The following PCCA variants were observed in gnomAD, a reference collection of about 807,000 sequenced individuals.
PCCA encodes the protein propionyl-CoA carboxylase subunit alpha, also known as propionyl-CoA carboxylase alpha chain, mitochondrial.
A neutral mutation model predicts 101.3 loss-of-function variants in PCCA; 74 were observed. That is an observed-to-expected ratio of 0.73 (90% CI 0.61 to 0.89). PCCA has a LOEUF of 0.89. PCCA is among the 40% of genes least tolerant of loss of function. The probability of loss-of-function intolerance (pLI) is 0.00; values close to 1 mark genes in which losing one functional copy is unlikely to be tolerated. For synonymous variants in PCCA, 294 were observed against 313.6 expected (o/e 0.94, Z 0.66); for missense variants, 891 against 907.0 (o/e 0.98, Z 0.23).
chr13:100,410,787 T>C (rs1185531670), intron 19 of PCCA, among the ~76,000 whole-genome samples: 1 of 152,202 alleles, frequency 6.6e-6, no homozygotes, highest in Non-Finnish European at 1.5e-5. Context: ...GAAACTCGTT[T>C]CTTATTAAAT....
At chr13:100,112,372 C>T (rs1339322550) in intron 4 of PCCA, among the ~76,000 whole-genome samples, 1 of 152,216 alleles carries the variant, frequency 6.6e-6, no homozygotes, top group East Asian at 1.9e-4. Context: ...ACACAGTGCT[C>T]CCTTATGAGA....
In PCCA at chr13:100,502,864, A is replaced by AC. The variant is rs3837564; in HGVS notation, c.1900-12563_1900-12562insC. On this transcript the variant is annotated intron_variant, in intron 21 of 23. Transcript: ENST00000376285. Reference sequence around the variant, plus strand: ...GGGGTTAATTAGAAAAAGAGGAAACAAAGTTGAGAAAAGAAGAGGGAGGCA... The same window carrying AC: ...GGGGTTAATTAGAAAAAGAGGAAACACAAGTTGAGAAAAGAAGAGGGAGGCA... 4.4e-3 allele frequency among the ~76,000 whole-genome samples: 675 copies of AC among 152,308 alleles called. 34 individuals are homozygous for AC. The East Asian group carries it at 0.099, about 22-fold the overall frequency.
intron 21 of PCCA, among the ~76,000 whole-genome samples, chr13:100,504,499 C>T (rs1328126011): frequency 6.6e-6 from 1 of 152,136 alleles, no homozygotes; most frequent in African/African-American, 2.4e-5. Flanking sequence ...CGAGACCCAC[C>T]CAGACAGCCT....
chr13:100,521,960 A>G (rs1163343795), intron 22 of PCCA, among the ~76,000 whole-genome samples: 2 of 152,212 alleles, frequency 1.3e-5, no homozygotes, highest in African/African-American at 4.8e-5. Context: ...TCCTTTTTCC[A>G]TAAAAATTCT....
At chr13:100,392,390 A>T (rs888987439) in intron 19 of PCCA, among the ~76,000 whole-genome samples, 1 of 152,230 alleles carries the variant, frequency 6.6e-6, no homozygotes, top group Non-Finnish European at 1.5e-5. Flanking sequence ...GGATATCAAA[A>T]TTCAGTCAAT....
intron 16 of PCCA, among the ~76,000 whole-genome samples, chr13:100,329,765 C>A (rs1327636850): frequency 3.3e-5 from 5 of 152,102 alleles, no homozygotes. Flanking sequence ...CAAAGCACTT[C>A]CCAAAGCCAA....
intron 19 of PCCA, among the ~76,000 whole-genome samples, chr13:100,374,887 G>A (rs886959212): frequency 6.6e-6 from 1 of 152,150 alleles, no homozygotes; most frequent in Non-Finnish European, 1.5e-5. Context: ...TCTGATCTTA[G>A]TTATTTCTTG....
chr13:100,447,804 G>A (rs1311983675), intron 20 of PCCA, among the ~76,000 whole-genome samples: 7 of 152,152 alleles, frequency 4.6e-5, no homozygotes, highest in Non-Finnish European at 1.0e-4. Flanking sequence ...AATATTTGCA[G>A]GTAGGGGAAA....
chr13:100,376,963 C>T lies in PCCA; in HGVS notation c.1746+8389C>T, dbSNP rs141578817. Among the ~76,000 whole-genome samples, 259 of 152,298 alleles carry T rather than the reference C, an allele frequency of 1.7e-3. 3 individuals are homozygous for T. The highest frequency in any genetic ancestry group is 6.0e-3 in the African/African-American group (248 of 41,568). ...GCTTCCAAGGGAATCTTCTGGTCTG[C>T]GGGGTTGTGAAGACCGTGGGAAACG... On this transcript the variant is annotated intron_variant, in intron 19 of 23. Transcript: ENST00000376285.
intron 7 of PCCA, among the ~76,000 whole-genome samples, chr13:100,215,989 A>C (rs994665390): frequency 6.6e-6 from 1 of 152,136 alleles, no homozygotes; most frequent in Non-Finnish European, 1.5e-5. Flanking sequence ...CCCTAAAACA[A>C]TGTAAATGCT....
At chr13:100,377,039 C>T (rs1471490441) in intron 19 of PCCA, among the ~76,000 whole-genome samples, 1 of 152,194 alleles carries the variant, frequency 6.6e-6, no homozygotes, top group African/African-American at 2.4e-5. Flanking sequence ...CACAGTCCTT[C>T]ACGGCTTCCC....
chr13:100,116,159 A>G (rs1240475627), intron 4 of PCCA, among the ~76,000 whole-genome samples: 1 of 152,246 alleles, frequency 6.6e-6, no homozygotes. Context: ...TATCAGTAAT[A>G]TGAAAAAGCC....
intron 21 of PCCA, among the ~76,000 whole-genome samples, chr13:100,507,452 C>T (rs1343702234): frequency 6.6e-6 from 1 of 152,114 alleles, no homozygotes; most frequent in Non-Finnish European, 1.5e-5. Context: ...CAGTGCCCTC[C>T]TGCCCATCAG....
intron 20 of PCCA, among the ~76,000 whole-genome samples, chr13:100,443,337 TC>T (rs2080520395): frequency 6.6e-6 from 1 of 151,886 alleles, no homozygotes; most frequent in South Asian, 2.1e-4. Context: ...TGCCTGTGGG[TC>T]CAGCTGCTTG....
intron 17 of PCCA, 92 bp downstream of exon 17, chr13:100,330,763 C>T (rs1369176319): frequency 1.3e-6 from 1 of 777,014 alleles, no homozygotes; most frequent in Non-Finnish European, 2.2e-6. Flanking sequence ...GAAATTAAGG[C>T]CTTTTGGCTT....
intron 6 of PCCA, among the ~76,000 whole-genome samples, chr13:100,164,936 A>G (rs537821476): frequency 6.6e-6 from 1 of 152,146 alleles, no homozygotes; most frequent in Non-Finnish European, 1.5e-5. Flanking sequence ...AAGTGGAATC[A>G]TATAAGATTT....
chr13:100,200,779 C>T (rs1009781951), intron 6 of PCCA, among the ~76,000 whole-genome samples: 1 of 151,510 alleles, frequency 6.6e-6, no homozygotes, highest in Non-Finnish European at 1.5e-5. Context: ...ATAAAATGCA[C>T]ATAACATTTT....
At chr13:100,478,867 A>G (rs1343851241) in intron 21 of PCCA, among the ~76,000 whole-genome samples, 1 of 152,152 alleles carries the variant, frequency 6.6e-6, no homozygotes, top group East Asian at 1.9e-4. Context: ...TAGTAACAGA[A>G]TTCTTGGTAC....
chr13:100,311,685 G>T (rs1044174103), intron 16 of PCCA, among the ~76,000 whole-genome samples: 1 of 152,100 alleles, frequency 6.6e-6, no homozygotes, highest in Non-Finnish European at 1.5e-5. Flanking sequence ...CAGGAGAATC[G>T]CTTGAACCCA....
Sources: allele counts gnomAD v4.1 joint callset (sites outside exome capture counted in the v4.1 genomes callset), GRCh38; gene constraint gnomAD v4.1.1; transcripts MANE v1.5; gene names NCBI Gene and HGNC (gene_info 2026-07-23, HGNC 2026-07-21).